The following LRRC37A variants were observed in gnomAD, a reference collection of about 807,000 sequenced individuals.
LRRC37A encodes leucine rich repeat containing 37A.
A neutral mutation model predicts 35.4 loss-of-function variants in LRRC37A; 3 were observed. The ratio of observed to expected loss-of-function variants is 0.08; its 90% CI spans 0.04 to 0.22. The LOEUF (loss-of-function observed/expected upper bound fraction) is 0.22. LRRC37A is among the 10% of genes least tolerant of loss of function. The pLI is 1.00. For missense variants in LRRC37A, 67 were observed against 565.3 expected, an observed-to-expected ratio of 0.12 and a Z score of 8.94; for synonymous variants, 23 against 215.0, an observed-to-expected ratio of 0.11 and a Z score of 7.81.
chr17:46,265,558 A>G, the LRRC37A span, among the ~76,000 whole-genome samples: 5 of 151,224 alleles, frequency 3.3e-5, no homozygotes, highest in African/African-American at 1.2e-4. Flanking sequence ...GGCTCACTGC[A>G]ACCTCCACCT....
At chr17:46,278,415 G>GTTTTAAGATGGAGTCT in the LRRC37A span, among the ~76,000 whole-genome samples, 1 of 118,550 alleles carries the variant, frequency 8.4e-6, no homozygotes, top group South Asian at 2.4e-4. Flanking sequence ...TTTTTTTGTT[G>GTTTTAAGATGGAGTCT]TTGTTTTAAG....
chr17:46,265,823 G>A, the LRRC37A span, among the ~76,000 whole-genome samples: 1 of 152,194 alleles, frequency 6.6e-6, no homozygotes, highest in Non-Finnish European at 1.5e-5. Flanking sequence ...TGTGCCGGCC[G>A]TCGTGGCTGA....
chr17:46,291,693 G>A (rs1052115870), upstream of LRRC37A, among the ~76,000 whole-genome samples: 4 of 152,306 alleles, frequency 2.6e-5, no homozygotes, highest in African/African-American at 9.6e-5. Flanking sequence ...AGTCGAGGAA[G>A]GAGGATCACT....
At chr17:46,279,392 C>T in the LRRC37A span, among the ~76,000 whole-genome samples, 24 of 151,900 alleles carry the variant, frequency 1.6e-4, 1 homozygote, top group South Asian at 3.1e-3. Context: ...CCATGTTGTC[C>T]AGGCTGGTCT....
At chr17:46,266,747 G>T in the LRRC37A span, among the ~76,000 whole-genome samples, 1 of 152,096 alleles carries the variant, frequency 6.6e-6, no homozygotes, top group Non-Finnish European at 1.5e-5. Context: ...GGGATCTGGG[G>T]AGGGGGCGCC....
At chr17:46,264,827 A>T in the LRRC37A span, among the ~76,000 whole-genome samples, 1 of 152,246 alleles carries the variant, frequency 6.6e-6, no homozygotes. Context: ...GTTTCAGGGC[A>T]TTCACAACAT....
rs1193941628 is a variant in LRRC37A at position 46,325,587 on chromosome 17, A to C, written c.3053+2560A>C. Among the ~76,000 whole-genome samples, 3 of 81,618 alleles carry C rather than the reference A, an allele frequency of 3.7e-5. 1 individual carries two copies. Among genetic ancestry groups the C allele is most frequent in the African/African-American group, 9.4e-5 (3 of 32,042 alleles). The allele number at this position is 81,618 out of a possible 152,430, so 53.5% of individuals were successfully genotyped here. On this transcript the variant is annotated intron_variant, in intron 7 of 13. Coordinates refer to ENST00000320254, the Ensembl canonical transcript of LRRC37A. ...AGTGTAATGTCTGATGTTTGATTGG[A>C]TTCTGAATTTTTTAAGCCATGTTAT...
the LRRC37A span, chr17:46,275,184 A>G: frequency 3.2e-6 from 1 of 317,118 alleles, no homozygotes; most frequent in Non-Finnish European, 5.6e-6. Flanking sequence ...GAGCCACCGC[A>G]CCTGGCAACT....
the LRRC37A span, among the ~76,000 whole-genome samples, chr17:46,258,353 G>T: frequency 7.9e-5 from 12 of 152,146 alleles, no homozygotes; most frequent in African/African-American, 2.7e-4. Context: ...TGGGATTACA[G>T]GCGTGTGCCA....
chr17:46,276,790 C>A, the LRRC37A span, among the ~76,000 whole-genome samples: 1 of 134,316 alleles, frequency 7.4e-6, no homozygotes, highest in African/African-American at 2.8e-5. Flanking sequence ...TTCTTTTTTT[C>A]TTTTTTTTTT....
chr17:46,325,176 CTGGA>C (rs2051667362), intron 7 of LRRC37A, among the ~76,000 whole-genome samples: 1 of 73,452 alleles, frequency 1.4e-5, no homozygotes, highest in East Asian at 2.5e-4. Context: ...CCCTTCCTCT[CTGGA>C]TGAAGTCCCC....
chr17:46,275,098 G>T, the LRRC37A span: 1 of 213,374 alleles, frequency 4.7e-6, no homozygotes, highest in Admixed American at 5.9e-5. Context: ...CTCCATATTG[G>T]TCAGGCTGGT....
the LRRC37A span, among the ~76,000 whole-genome samples, chr17:46,257,452 C>CAAAAAAAA: frequency 2.0e-4 from 17 of 83,250 alleles, no homozygotes; most frequent in South Asian, 3.4e-4. Flanking sequence ...GACTCTGTCT[C>CAAAAAAAA]AAAAAAAAAA....
At chr17:46,251,194 C>G in the LRRC37A span, among the ~76,000 whole-genome samples, 6 of 152,042 alleles carry the variant, frequency 3.9e-5, no homozygotes, top group Non-Finnish European at 7.3e-5. Flanking sequence ...TCAACTGGGC[C>G]AATTTTGCTC....
chr17:46,254,347 A>C, the LRRC37A span, among the ~76,000 whole-genome samples: 1 of 115,100 alleles, frequency 8.7e-6, no homozygotes. Flanking sequence ...AGATCAGGAA[A>C]TACTATTATG....
At chr17:46,315,371 T>G (rs1368938841) in intron 5 of LRRC37A, among the ~76,000 whole-genome samples, 212 of 133,232 alleles carry the variant, frequency 1.6e-3, no homozygotes, top group African/African-American at 5.3e-3. Flanking sequence ...CAAAAAAAAT[T>G]TAAAAGTTAG....
the LRRC37A span, among the ~76,000 whole-genome samples, chr17:46,266,873 A>T: frequency 0.13 from 19,414 of 147,724 alleles, no homozygotes; most frequent in Middle Eastern, 0.2. Context: ...CGGGCCCGCG[A>T]CGGAGGAAGC....
the LRRC37A span, among the ~76,000 whole-genome samples, chr17:46,259,142 C>T: frequency 6.9e-6 from 1 of 145,724 alleles, no homozygotes; most frequent in Non-Finnish European, 1.5e-5. Context: ...GTGGTGGAGG[C>T]AAAGGGCAGA....
Position 46,299,876 on chromosome 17 carries a change from T to C in LRRC37A, c.2681+11T>C, listed in dbSNP as rs758205601. 2.7e-3 allele frequency: 42 copies of C among 15,294 alleles called. No individual in the cohort carries two copies. Among genetic ancestry groups the C allele is most frequent in the African/African-American group, 0.011 (40 of 3,512 alleles). The allele number at this position is 15,294 out of a possible 1,614,324, so 0.9% of individuals were successfully genotyped here. ...TTGGACTGAGAAACTGTGAGTATAT[T>C]CTCTCCAAATATGACAAAAAGCTAA... On this transcript the variant is annotated intron_variant, in intron 2 of 13. Transcript: ENST00000320254.
Sources: gnomAD v4.1 joint callset for allele counts (sites outside exome capture counted in the v4.1 genomes callset) on GRCh38, gnomAD v4.1.1 for gene constraint, MANE v1.5 for transcripts, NCBI Gene and HGNC (gene_info 2026-07-23, HGNC 2026-07-21) for gene names.